Variants in CACNA1C observed in about 807,000 individuals in gnomAD.
The protein encoded by CACNA1C is voltage-dependent L-type calcium channel subunit alpha-1C.
Under a neutral mutation model 229.0 loss-of-function variants are expected in CACNA1C, and 30 were observed. The ratio of observed to expected loss-of-function variants is 0.13; its 90% confidence interval spans 0.10 to 0.18. CACNA1C has a LOEUF of 0.18. Among genes scored for constraint, CACNA1C ranks in the 10% least tolerant of loss-of-function variants. CACNA1C has a pLI of 1.00. For missense variants in CACNA1C, 1,658 were observed against 2,845.0 expected (o/e 0.58, Z 9.49); for synonymous variants, 1,114 against 1,132.5 (o/e 0.98, Z 0.33).
chr12:2,284,663 A>G (rs1183772206), intron 3 of CACNA1C, among the ~76,000 whole-genome samples: 1 of 152,350 alleles, frequency 6.6e-6, no homozygotes, highest in East Asian at 1.9e-4. Context: ...TTGCTTTGTA[A>G]TTTACCATAA....
chr12:2,147,842 C>T (rs2094865053), intron 3 of CACNA1C, among the ~76,000 whole-genome samples: 1 of 151,044 alleles, frequency 6.6e-6, no homozygotes, highest in South Asian at 2.1e-4. Flanking sequence ...CACCTCTTCA[C>T]ACTTGAGTTT....
intron 1 of CACNA1C, among the ~76,000 whole-genome samples, chr12:1,996,091 A>G (rs1565867175): frequency 6.6e-6 from 1 of 151,956 alleles, no homozygotes; most frequent in Non-Finnish European, 1.5e-5. Flanking sequence ...TTCCATTTCA[A>G]TTTCTATTAT....
At chr12:2,046,032 C>A (rs1158091307) in intron 1 of CACNA1C, among the ~76,000 whole-genome samples, 1 of 151,902 alleles carries the variant, frequency 6.6e-6, no homozygotes, top group African/African-American at 2.4e-5. Context: ...ATGCTGCCAG[C>A]CAGCAGAAGT....
intron 1 of CACNA1C, among the ~76,000 whole-genome samples, chr12:2,000,203 G>T (rs1593395672): frequency 6.6e-6 from 1 of 152,162 alleles, no homozygotes; most frequent in South Asian, 2.1e-4. Context: ...TAAATTTGTA[G>T]AAAGTATTTG....
chr12:2,260,117 G>T (rs1026732680), intron 3 of CACNA1C, among the ~76,000 whole-genome samples: 3 of 152,242 alleles, frequency 2.0e-5, no homozygotes, highest in Non-Finnish European at 4.4e-5. Context: ...ACCTCCACAT[G>T]GTCACTAATT....
chr12:2,632,168 T>C lies in CACNA1C; in HGVS notation c.3829-2129T>C, dbSNP rs573041733. The stretch of plus-strand genomic sequence containing the variant: ...TGAAAAAATGTGGCCAGCCCTGTCT[T>C]GTCCCCTTCGCAGACCATTTCTAAA... On this transcript the variant is annotated intron_variant, in intron 29 of 46. Transcript: ENST00000399655. This position sits in a 1 kb window ranked among gnomAD's most constrained non-coding sequence, Gnocchi z 4.1. 2.0e-5 allele frequency among the ~76,000 whole-genome samples: 3 copies of C among 152,262 alleles called. No homozygotes were observed. The highest frequency in any genetic ancestry group is 4.4e-5 in the Non-Finnish European group (3 of 68,022).
intron 34 of CACNA1C, chr12:2,660,772 C>G (rs924623529): frequency 2.0e-5 from 3 of 151,954 alleles, no homozygotes; most frequent in Non-Finnish European, 4.4e-5. Context: ...TGCAGTGAGC[C>G]GAGATTGTTC....
intron 3 of CACNA1C, among the ~76,000 whole-genome samples, chr12:2,271,950 G>C (rs2085223578): frequency 6.6e-6 from 1 of 152,160 alleles, no homozygotes; most frequent in South Asian, 2.1e-4. Flanking sequence ...CATGCCATGT[G>C]CCATGCAAAT....
intron 3 of CACNA1C, among the ~76,000 whole-genome samples, chr12:2,127,744 T>G (rs1279647206): frequency 6.6e-6 from 1 of 152,174 alleles, no homozygotes; most frequent in Non-Finnish European, 1.5e-5. Context: ...GGGTGTGTCT[T>G]AAAAGCTATA....
At chr12:2,028,277 C>A (rs917288947) in intron 1 of CACNA1C, among the ~76,000 whole-genome samples, 2 of 152,192 alleles carry the variant, frequency 1.3e-5, no homozygotes, top group African/African-American at 4.8e-5. Context: ...CTCCCTCCCC[C>A]ATCTTGAGCC....
chr12:2,040,011 G>A (rs1223635339), intron 1 of CACNA1C, among the ~76,000 whole-genome samples: 3 of 152,108 alleles, frequency 2.0e-5, no homozygotes, highest in African/African-American at 7.2e-5. Flanking sequence ...AAAGCCTGAC[G>A]GCACTAGATT....
At chr12:2,368,987 C>T (rs954846891) in intron 3 of CACNA1C, among the ~76,000 whole-genome samples, 1 of 152,114 alleles carries the variant, frequency 6.6e-6, no homozygotes, top group African/African-American at 2.4e-5. Context: ...AGGAAACAGC[C>T]TCTAGTAATG....
chr12:2,003,861 C>G (rs2042740599), intron 1 of CACNA1C, among the ~76,000 whole-genome samples: 2 of 152,158 alleles, frequency 1.3e-5, no homozygotes, highest in Non-Finnish European at 2.9e-5. Flanking sequence ...GACTGACATT[C>G]CAAAATCAGA....
At chr12:2,491,115 G>A (rs181829357) in intron 6 of CACNA1C, among the ~76,000 whole-genome samples, 38 of 152,290 alleles carry the variant, frequency 2.5e-4, no homozygotes, top group African/African-American at 9.1e-4. Flanking sequence ...CTAAGTGAAA[G>A]AAGATGGACA....
chr12:2,059,596 A>G (rs1273622615), intron 1 of CACNA1C, among the ~76,000 whole-genome samples: 3 of 152,052 alleles, frequency 2.0e-5, no homozygotes, highest in Non-Finnish European at 2.9e-5. Flanking sequence ...CTTGTGCTAT[A>G]CCCTGTGTGT....
chr12:2,036,477 C>G (rs1307223585), intron 1 of CACNA1C, among the ~76,000 whole-genome samples: 1 of 152,100 alleles, frequency 6.6e-6, no homozygotes, highest in African/African-American at 2.4e-5. Context: ...CTCCCCTTTC[C>G]TATCTTTTTT....
chr12:2,144,091 A>T (rs1035875235), intron 3 of CACNA1C, among the ~76,000 whole-genome samples: 1 of 151,468 alleles, frequency 6.6e-6, no homozygotes, highest in Non-Finnish European at 1.5e-5. Context: ...ACGTGGGCAC[A>T]CAGGAGGACT....
intron 3 of CACNA1C, among the ~76,000 whole-genome samples, chr12:2,250,733 G>A (rs2154384893): frequency 6.6e-6 from 1 of 152,300 alleles, no homozygotes; most frequent in Non-Finnish European, 1.5e-5. Flanking sequence ...TCATTCCATT[G>A]TCTAATGACC....
intron 9 of CACNA1C, among the ~76,000 whole-genome samples, chr12:2,548,798 G>A (rs1038013694): frequency 6.6e-6 from 1 of 152,054 alleles, no homozygotes; most frequent in Admixed American, 6.6e-5. Flanking sequence ...AGTGTTTCTT[G>A]GGCTCTGGCA....
Sources: allele counts gnomAD v4.1 joint callset (sites outside exome capture counted in the v4.1 genomes callset), GRCh38; gene constraint gnomAD v4.1.1; non-coding constraint Gnocchi (gnomAD v3.1); transcripts MANE v1.5; gene names NCBI Gene and HGNC (gene_info 2026-07-23, HGNC 2026-07-21).